Variants in ARHGAP8 observed in about 807,000 individuals in gnomAD.
ARHGAP8 encodes the protein Rho GTPase activating protein 8.
Under a neutral mutation model 46.1 loss-of-function variants are expected in ARHGAP8, and 62 were observed. The ratio of observed to expected loss-of-function variants is 1.34; its 90% CI spans 1.10 to 1.66. ARHGAP8 has a LOEUF of 1.66. ARHGAP8 is among the 40% of genes most tolerant of loss of function. The pLI is 0.00. For missense variants in ARHGAP8, 923 were observed against 568.4 expected, an observed-to-expected ratio of 1.62 and a Z score of -6.34; for synonymous variants, 375 against 243.1, an observed-to-expected ratio of 1.54 and a Z score of -5.05.
chr22:44,775,458 T>C (rs891707356), intron 1 of ARHGAP8, among the ~76,000 whole-genome samples: 3 of 152,200 alleles, frequency 2.0e-5, no homozygotes, highest in Non-Finnish European at 2.9e-5. Context: ...TTTCTCTTTT[T>C]TTTTTTGAGA....
chr22:44,852,723 G>A (rs1371015096), intron 10 of ARHGAP8, among the ~76,000 whole-genome samples: 1 of 152,082 alleles, frequency 6.6e-6, no homozygotes, highest in East Asian at 1.9e-4. Flanking sequence ...GTTAATAAGG[G>A]GCCTTTCTTT....
At chr22:44,797,908 A>G (rs1010987664) in intron 2 of ARHGAP8, among the ~76,000 whole-genome samples, 3 of 151,908 alleles carry the variant, frequency 2.0e-5, no homozygotes, top group Admixed American at 6.5e-5. Context: ...CCTGAGCTCA[A>G]GTGAGCCTTC....
At chr22:44,782,896 T>C (rs180793716) in intron 1 of ARHGAP8, among the ~76,000 whole-genome samples, 6 of 152,298 alleles carry the variant, frequency 3.9e-5, no homozygotes, top group Admixed American at 2.0e-4. Context: ...GCTGCCACGC[T>C]GTTTTCCACG....
chr22:44,811,930 G>A lies in ARHGAP8; in HGVS notation c.300-2742G>A, dbSNP rs1449121362. ...AAGAATCCCTTGAACCTGGGAGGCA[G>A]AGGTTGCAGTGAGCTGAGATCGCGC... On this transcript the variant is annotated intron_variant, in intron 4 of 11. Coordinates refer to ENST00000356099, the MANE Select transcript of ARHGAP8 (RefSeq NM_181335.3). Among the ~76,000 whole-genome samples, 4 of 151,378 alleles carry A rather than the reference G, an allele frequency of 2.6e-5. No individual in the cohort carries two copies. In the East Asian group the frequency reaches 5.9e-4, roughly 22 times the overall value.
At chr22:44,858,280 C>T (rs1455976392) in intron 10 of ARHGAP8, among the ~76,000 whole-genome samples, 2 of 151,900 alleles carry the variant, frequency 1.3e-5, no homozygotes, top group Non-Finnish European at 2.9e-5. Context: ...GTAGCATAGG[C>T]ATGCATGTGG....
At chr22:44,792,006 CTTCT>C (rs537616131) in intron 2 of ARHGAP8, among the ~76,000 whole-genome samples, 20 of 140,896 alleles carry the variant, frequency 1.4e-4, no homozygotes, top group Non-Finnish European at 2.4e-4. Flanking sequence ...TCTTCTTTTT[CTTCT>C]TTCTTTCTTT....
chr22:44,752,806 G>A (rs1300817270), intron 1 of ARHGAP8, 179 bp downstream of exon 1: 1 of 151,830 alleles, frequency 6.6e-6, no homozygotes, highest in Non-Finnish European at 1.5e-5. Context: ...CCGGCGCGCA[G>A]CCTCCGGGTC....
intron 1 of ARHGAP8, among the ~76,000 whole-genome samples, chr22:44,771,392 G>A (rs1301590426): frequency 7.4e-5 from 11 of 149,352 alleles, no homozygotes; most frequent in Non-Finnish European, 1.5e-4. Context: ...GACTACAGGC[G>A]CCCGCCACCA....
chr22:44,803,686 C>T (rs1422595281), intron 3 of ARHGAP8, among the ~76,000 whole-genome samples: 1 of 120,254 alleles, frequency 8.3e-6, no homozygotes, highest in Non-Finnish European at 1.8e-5. Flanking sequence ...CCCGTGCACA[C>T]ACCCCCTCCC....
At chr22:44,809,148 A>G (rs1359613569) in intron 4 of ARHGAP8, 2 of 471,000 alleles carry the variant, frequency 4.2e-6, no homozygotes, top group East Asian at 7.0e-5. Flanking sequence ...AGGGCCAGAC[A>G]GTCAGCATTT....
intron 1 of ARHGAP8, among the ~76,000 whole-genome samples, chr22:44,784,989 G>A (rs1319733234): frequency 6.6e-6 from 1 of 152,164 alleles, no homozygotes; most frequent in African/African-American, 2.4e-5. Context: ...TGCACAGAGT[G>A]GTGCTGAGTA....
chr22:44,758,186 C>T (rs1390381575), intron 1 of ARHGAP8, among the ~76,000 whole-genome samples: 1 of 152,172 alleles, frequency 6.6e-6, no homozygotes, highest in Non-Finnish European at 1.5e-5. Context: ...CACGGTGGCT[C>T]ACACCTGTGA....
chr22:44,846,880 G>C (rs540439518), intron 8 of ARHGAP8, among the ~76,000 whole-genome samples: 12 of 152,186 alleles, frequency 7.9e-5, no homozygotes, highest in African/African-American at 2.9e-4. Flanking sequence ...CTGTTAGGGG[G>C]GTTGACCTTG....
Position 44,854,024 on chromosome 22 carries a change from C to CA in ARHGAP8, c.877+5002dup, listed in dbSNP as rs71315119. Reference sequence around the variant, plus strand: ...CCTGGGACACAGCGAGACTCTGTCTCAAAAAAAAAAAAAAAAAAAAAAAAA... The same window carrying CA: ...CCTGGGACACAGCGAGACTCTGTCTCAAAAAAAAAAAAAAAAAAAAAAAAAA... On this transcript the variant is annotated intron_variant, in intron 10 of 11. Transcript: ENST00000356099. 8.3e-3 allele frequency among the ~76,000 whole-genome samples: 361 copies of CA among 43,308 alleles called. 106 individuals are homozygous for CA. The highest frequency in any genetic ancestry group is 0.028 in the Middle Eastern group (1 of 36). 28.4% of individuals were successfully genotyped at this position (43,308 alleles called of 152,430 possible). A position where few individuals can be genotyped will look rare whatever the true frequency, so the allele number is the denominator to read the frequency against.
chr22:44,856,254 C>T lies in ARHGAP8; in HGVS notation c.878-3477C>T, dbSNP rs1349603156. Among the ~76,000 whole-genome samples the T allele has an allele frequency of 1.0e-4, 9 of 86,884 alleles. 1 individual carries two copies. Among genetic ancestry groups the T allele is most frequent in the South Asian group, 4.8e-4 (1 of 2,090 alleles). The allele number at this position is 86,884 out of a possible 152,430, so 57.0% of individuals were successfully genotyped here. A position where few individuals can be genotyped will look rare whatever the true frequency, so the allele number is the denominator to read the frequency against. On this transcript the variant is annotated intron_variant, in intron 10 of 11. Coordinates refer to ENST00000356099, the MANE Select transcript of ARHGAP8 (RefSeq NM_181335.3). Reference sequence around the variant, plus strand: ...TACTGTCTGGCCAGCTATAAATTCCCTTTTTTTTTTTTTTTTTTTTTTTTT... The same window carrying T: ...TACTGTCTGGCCAGCTATAAATTCCTTTTTTTTTTTTTTTTTTTTTTTTTT...
At chr22:44,760,896 G>A (rs1239968850) in intron 1 of ARHGAP8, among the ~76,000 whole-genome samples, 2 of 152,150 alleles carry the variant, frequency 1.3e-5, no homozygotes, top group Admixed American at 6.5e-5. Flanking sequence ...GGGGGGATCC[G>A]AGAGAAAGGG....
intron 2 of ARHGAP8, among the ~76,000 whole-genome samples, chr22:44,798,328 C>G (rs1234723840): frequency 6.6e-6 from 1 of 151,822 alleles, no homozygotes; most frequent in East Asian, 1.9e-4. Flanking sequence ...CCAGGCTGGT[C>G]TTGAACTCCT....
At chr22:44,809,502 G>A (rs746410318) in intron 4 of ARHGAP8, 79 of 303,248 alleles carry the variant, frequency 2.6e-4, no homozygotes, top group Non-Finnish European at 4.4e-4. Context: ...CCTCTTGTTG[G>A]TGAGATGGCA....
chr22:44,857,270 C>T (rs1213024264), intron 10 of ARHGAP8, among the ~76,000 whole-genome samples: 3 of 152,120 alleles, frequency 2.0e-5, no homozygotes, highest in Admixed American at 1.3e-4. Flanking sequence ...TTGGCCGGCT[C>T]TACCAGGGGT....
Sources: allele counts gnomAD v4.1 joint callset (sites outside exome capture counted in the v4.1 genomes callset), GRCh38; gene constraint gnomAD v4.1.1; transcripts MANE v1.5; gene names NCBI Gene and HGNC (gene_info 2026-07-23, HGNC 2026-07-21).